Variants in MAPK10 observed in about 807,000 individuals in gnomAD.
MAPK10 encodes the protein mitogen-activated protein kinase 10.
Under a neutral mutation model 59.3 loss-of-function variants are expected in MAPK10, and 25 were observed. That is an observed-to-expected ratio of 0.42 (90% CI 0.31 to 0.59). The LOEUF (loss-of-function observed/expected upper bound fraction) is 0.59. Ranked by LOEUF, MAPK10 falls within the 20% of genes least tolerant of loss-of-function variation. MAPK10 has a pLI of 0.15. For synonymous variants in MAPK10, 190 were observed against 200.5 expected (o/e 0.95, Z 0.44); for missense variants, 351 against 568.9 (o/e 0.62, Z 3.90).
At chr4:86,065,107 T>G (rs2046478406) in intron 10 of MAPK10, 1 of 149,374 alleles carries the variant, frequency 6.7e-6, no homozygotes, top group Non-Finnish European at 1.5e-5. Flanking sequence ...AAAGATAAGA[T>G]CTCCCTACAT....
intron 2 of MAPK10, among the ~76,000 whole-genome samples, chr4:86,250,875 A>G (rs909165065): frequency 1.3e-5 from 2 of 152,148 alleles, no homozygotes; most frequent in Admixed American, 6.5e-5. Context: ...GGAGAAAACT[A>G]TTATTTTTCC....
chr4:86,350,505 C>A (rs546256372), intron 2 of MAPK10, among the ~76,000 whole-genome samples: 1 of 152,196 alleles, frequency 6.6e-6, no homozygotes, highest in East Asian at 1.9e-4. Flanking sequence ...TGAGCCACCA[C>A]GTCTGGCCAA....
At chr4:86,461,484 G>A (rs1210434616) in intron 1 of MAPK10, among the ~76,000 whole-genome samples, 1 of 152,206 alleles carries the variant, frequency 6.6e-6, no homozygotes, top group African/African-American at 2.4e-5. Flanking sequence ...GGAGGCCAAG[G>A]TGGGTGGATC....
chr4:86,398,911 T>C (rs1025236298), intron 1 of MAPK10, among the ~76,000 whole-genome samples: 2 of 152,190 alleles, frequency 1.3e-5, no homozygotes, highest in Admixed American at 1.3e-4. Flanking sequence ...CTCCAGTACA[T>C]CCATTTTGTT....
chr4:86,365,381 G>A lies in MAPK10; in HGVS notation c.-121-10737C>T, dbSNP rs1195104587. Among the ~76,000 whole-genome samples, 10 of 127,660 alleles carry A rather than the reference G, an allele frequency of 7.8e-5. No homozygotes were observed. In the East Asian group the frequency reaches 1.0e-3, roughly 13 times the overall value. 83.7% of individuals were successfully genotyped at this position (127,660 alleles called of 152,430 possible). On this transcript the variant is annotated intron_variant, in intron 1 of 13. Coordinates refer to the MAPK10 transcript ENST00000361569. ...CGGGAGGTGGAGGTTGCAGTGAACC[G>A]AGACTGCACCATTGCGCTCCAGCCT...
At chr4:86,417,356 TA>T (rs1439603778) in intron 1 of MAPK10, among the ~76,000 whole-genome samples, 1 of 152,220 alleles carries the variant, frequency 6.6e-6, no homozygotes, top group Non-Finnish European at 1.5e-5. Flanking sequence ...AATTGTTTTT[TA>T]AGTTGCTTTG....
At chr4:86,206,594 A>G (rs1418562404) in intron 2 of MAPK10, among the ~76,000 whole-genome samples, 1 of 152,192 alleles carries the variant, frequency 6.6e-6, no homozygotes, top group Non-Finnish European at 1.5e-5. Context: ...TGGTATTTCT[A>G]GTTCTAGATC....
At chr4:86,283,300 T>G (rs1283516620) in intron 2 of MAPK10, among the ~76,000 whole-genome samples, 15 of 152,178 alleles carry the variant, frequency 9.9e-5, no homozygotes, top group Admixed American at 9.2e-4. Flanking sequence ...GAAAACCATG[T>G]AGAATATGTC....
At chr4:86,094,671 GT>G (rs1036126233) in intron 9 of MAPK10, among the ~76,000 whole-genome samples, 3 of 151,880 alleles carry the variant, frequency 2.0e-5, no homozygotes, top group African/African-American at 7.2e-5. Context: ...CCTGGTTGGG[GT>G]TTGGGGTGGT....
chr4:86,493,298 G>A (rs1668972508), intron 1 of MAPK10, among the ~76,000 whole-genome samples: 1 of 152,146 alleles, frequency 6.6e-6, no homozygotes, highest in Non-Finnish European at 1.5e-5. Flanking sequence ...TAATTTGGCT[G>A]AAGTTTTTCT....
intron 4 of MAPK10, among the ~76,000 whole-genome samples, chr4:86,144,846 A>G (rs1421166152): frequency 6.6e-6 from 1 of 152,194 alleles, no homozygotes; most frequent in Non-Finnish European, 1.5e-5. Context: ...CTTTCAGGAC[A>G]AAAATAAAGG....
intron 9 of MAPK10, among the ~76,000 whole-genome samples, chr4:86,072,347 A>C (rs1310306637): frequency 2.0e-5 from 3 of 152,006 alleles, no homozygotes; most frequent in Non-Finnish European, 4.4e-5. Flanking sequence ...AACAGGGACA[A>C]TTTGACTTCC....
intron 1 of MAPK10, among the ~76,000 whole-genome samples, chr4:86,581,826 G>A (rs1200129232): frequency 6.9e-6 from 1 of 145,236 alleles, no homozygotes; most frequent in Non-Finnish European, 1.5e-5. Context: ...CAACTGAGCT[G>A]TATGTTCTTA....
At chr4:86,437,394 TTC>T (rs1397184554) in intron 1 of MAPK10, among the ~76,000 whole-genome samples, 1 of 152,146 alleles carries the variant, frequency 6.6e-6, no homozygotes, top group Non-Finnish European at 1.5e-5. Context: ...TTCTCTTGTA[TTC>T]TGTTATTTGT....
At chr4:86,086,164 C>T (rs987391607) in intron 9 of MAPK10, among the ~76,000 whole-genome samples, 5 of 151,982 alleles carry the variant, frequency 3.3e-5, no homozygotes, top group African/African-American at 1.2e-4. Flanking sequence ...CACATGTACC[C>T]TGGAACTTAA....
chr4:86,453,997 A>G (rs1020407428), upstream of MAPK10, among the ~76,000 whole-genome samples: 32 of 152,196 alleles, frequency 2.1e-4, no homozygotes, highest in African/African-American at 7.7e-4. Flanking sequence ...CTGGGTGGCT[A>G]GATTCAGAAG....
intron 1 of MAPK10, among the ~76,000 whole-genome samples, chr4:86,386,086 A>G (rs769282275): frequency 6.6e-6 from 1 of 152,206 alleles, no homozygotes; most frequent in Non-Finnish European, 1.5e-5. Context: ...ATTTCTAATT[A>G]CGTGTTTAAA....
chr4:86,372,767 T>G (rs1405056156), intron 1 of MAPK10, among the ~76,000 whole-genome samples: 3 of 152,122 alleles, frequency 2.0e-5, no homozygotes. Flanking sequence ...AAAGCAGTGT[T>G]TAGAGGGAAA....
At chr4:86,028,832 G>A (rs1296305246) in intron 13 of MAPK10, 2 of 295,476 alleles carry the variant, frequency 6.8e-6, no homozygotes, top group African/African-American at 4.4e-5. Context: ...AATGAGGGAA[G>A]AGGTAGCGGC....
Sources: gnomAD v4.1 joint callset for allele counts (sites outside exome capture counted in the v4.1 genomes callset) on GRCh38, gnomAD v4.1.1 for gene constraint, MANE v1.5 for transcripts, NCBI Gene and HGNC (gene_info 2026-07-23, HGNC 2026-07-21) for gene names.